Variants in WFDC11 observed in about 807,000 individuals in gnomAD.
WFDC11 encodes the protein protein WFDC11.
Under a neutral mutation model 9.9 loss-of-function variants are expected in WFDC11, and 9 were observed. The observed-to-expected ratio is 0.91, with a 90% confidence interval of 0.55 to 1.58. The LOEUF (loss-of-function observed/expected upper bound fraction) is 1.58, where lower values mean the gene tolerates loss of function less well. Among genes scored for constraint, WFDC11 ranks in the 40% most tolerant of loss-of-function variants. The probability of loss-of-function intolerance (pLI) is 0.00; values close to 1 mark genes in which losing one functional copy is unlikely to be tolerated. For synonymous variants in WFDC11, 32 were observed against 33.3 expected (o/e 0.96, Z 0.13); for missense variants, 106 against 101.7 (o/e 1.04, Z -0.18).
At chr20:45,657,030 C>A (rs1982949506) in intron 2 of WFDC11, among the ~76,000 whole-genome samples, 1 of 152,168 alleles carries the variant, frequency 6.6e-6, no homozygotes, top group African/African-American at 2.4e-5. Context: ...TGTGGAGATT[C>A]CTCAAGGATC....
intron 1 of WFDC11, among the ~76,000 whole-genome samples, chr20:45,669,324 T>C (rs6032419): frequency 1.3e-4 from 20 of 152,034 alleles, no homozygotes; most frequent in Non-Finnish European, 2.1e-4. Flanking sequence ...GCATACCTCA[T>C]AGATATTACA....
intron 4 of WFDC11, 97 bp downstream of exon 4, chr20:45,649,160 T>G: frequency 7.0e-7 from 1 of 1,430,510 alleles, no homozygotes; most frequent in Non-Finnish European, 9.5e-7. Flanking sequence ...TACCTAGAAT[T>G]TGGGGTACCT....
rs142900890 is a variant in WFDC11, at chr20:45,663,810, G to A, written c.-52+3278C>T. Among the ~76,000 whole-genome samples the A allele has an allele frequency of 1.2e-4, 18 of 152,294 alleles. 2 individuals carry two copies. In the East Asian group the frequency reaches 3.5e-3, roughly 29 times the overall value. Reference sequence around the variant, plus strand: ...TGAGAGACAGTTTGTTGTGATTTCTGTTCTTTTACATTTGCTGAGGAGTAC... The same window carrying A: ...TGAGAGACAGTTTGTTGTGATTTCTATTCTTTTACATTTGCTGAGGAGTAC... On this transcript the variant is annotated intron_variant, in intron 2 of 4. Transcript: ENST00000324384.
At chr20:45,657,970 A>T (rs1179511395) in intron 2 of WFDC11, among the ~76,000 whole-genome samples, 1 of 152,214 alleles carries the variant, frequency 6.6e-6, no homozygotes, top group African/African-American at 2.4e-5. Context: ...ATATGTGCAT[A>T]GATATAAATA....
chr20:45,658,756 TA>T (rs910584096), intron 2 of WFDC11, among the ~76,000 whole-genome samples: 39 of 152,306 alleles, frequency 2.6e-4, no homozygotes, highest in African/African-American at 8.9e-4. Flanking sequence ...AGTTCTGGAG[TA>T]CATGTGCAGA....
intron 3 of WFDC11, 140 bp downstream of exon 3, chr20:45,650,361 A>G (rs1982778970): frequency 3.1e-6 from 2 of 647,044 alleles, no homozygotes; most frequent in African/African-American, 1.8e-5. Flanking sequence ...ATCTCTGTGC[A>G]TACAAAATTG....
At chr20:45,665,833 C>T (rs774548469) in intron 2 of WFDC11, among the ~76,000 whole-genome samples, 6 of 152,136 alleles carry the variant, frequency 3.9e-5, no homozygotes, top group South Asian at 4.1e-4. Flanking sequence ...AGGTGTCTGT[C>T]GGCCCCTACT....
At chr20:45,650,226 A>G (rs1302150000) in intron 3 of WFDC11, among the ~76,000 whole-genome samples, 1 of 133,016 alleles carries the variant, frequency 7.5e-6, no homozygotes, top group South Asian at 2.3e-4. Flanking sequence ...ACACACACAC[A>G]CACATGTGTT....
intron 2 of WFDC11, among the ~76,000 whole-genome samples, chr20:45,662,536 G>T (rs572616198): frequency 2.1e-4 from 32 of 152,178 alleles, no homozygotes; most frequent in Admixed American, 3.3e-4. Flanking sequence ...GCCCATTCAG[G>T]ATGATATTGG....
intron 2 of WFDC11, among the ~76,000 whole-genome samples, chr20:45,655,610 T>G (rs951646759): frequency 6.6e-6 from 1 of 152,166 alleles, no homozygotes; most frequent in Non-Finnish European, 1.5e-5. Flanking sequence ...AGGAAATAAA[T>G]GGTATTCAGT....
At chr20:45,669,135 A>C (rs1423110732) in intron 1 of WFDC11, among the ~76,000 whole-genome samples, 3 of 152,132 alleles carry the variant, frequency 2.0e-5, no homozygotes, top group Non-Finnish European at 2.9e-5. Flanking sequence ...TAGTGTCACA[A>C]TCACAGGCCT....
chr20:45,652,252 A>G (rs1342915036), intron 2 of WFDC11, among the ~76,000 whole-genome samples: 1 of 152,214 alleles, frequency 6.6e-6, no homozygotes, highest in African/African-American at 2.4e-5. Context: ...AGGAACGATC[A>G]GGCAGCAACA....
intron 2 of WFDC11, among the ~76,000 whole-genome samples, chr20:45,650,976 T>C (rs926356461): frequency 2.0e-5 from 3 of 152,220 alleles, no homozygotes; most frequent in African/African-American, 7.2e-5. Context: ...GGAAAACTTG[T>C]ATCATGAGAG....
At chr20:45,660,751 A>G (rs58219730) in intron 2 of WFDC11, among the ~76,000 whole-genome samples, 2,414 of 152,186 alleles carry the variant, frequency 0.016, 56 homozygotes, top group African/African-American at 0.055. Context: ...TGAACTCACC[A>G]TTTTTTATGG....
chr20:45,653,225 A>C (rs1982850253), intron 2 of WFDC11, among the ~76,000 whole-genome samples: 1 of 152,206 alleles, frequency 6.6e-6, no homozygotes, highest in African/African-American at 2.4e-5. Flanking sequence ...CTAACAGTGG[A>C]TCTCTCGGCA....
intron 2 of WFDC11, among the ~76,000 whole-genome samples, chr20:45,666,007 T>A (rs1983180443): frequency 6.6e-6 from 1 of 152,200 alleles, no homozygotes; most frequent in South Asian, 2.1e-4. Context: ...TGCCTTTTGT[T>A]TAGATATGCC....
At position 45,649,343 on chromosome 20, in the gene WFDC11, T is replaced by A. The variant is rs761222281; in HGVS notation, c.157A>T (p.Asn53Tyr). ...WGKPNVKECT[N>Y]KCSKAFRCKD... Reference sequence around the variant, plus strand: ...CATCTAAAGGCTTTAGAACACTTATTGGTACATTCTTTGACATTTGGCTTT... The same window carrying A: ...CATCTAAAGGCTTTAGAACACTTATAGGTACATTCTTTGACATTTGGCTTT... The change falls in exon 4 of 5, where the codon AAT becomes TAT. Residue 53 changes from asparagine to tyrosine, a missense_variant. Transcript: ENST00000324384. 9 of 1,614,092 alleles carry A rather than the reference T, an allele frequency of 5.6e-6. No individual in the cohort carries two copies. Among genetic ancestry groups the A allele is most frequent in the Non-Finnish European group, 6.8e-6 (8 of 1,180,040 alleles).
At chr20:45,664,720 T>C (rs1179691105) in intron 2 of WFDC11, among the ~76,000 whole-genome samples, 3 of 152,238 alleles carry the variant, frequency 2.0e-5, no homozygotes, top group Non-Finnish European at 4.4e-5. Flanking sequence ...AAAATTCTTT[T>C]CTTTAAGAAT....
At chr20:45,669,157 G>A (rs6094192) in intron 1 of WFDC11, among the ~76,000 whole-genome samples, 26,634 of 151,918 alleles carry the variant, frequency 0.18, 2,520 homozygotes, top group East Asian at 0.32. Flanking sequence ...ACACTCATCC[G>A]ATGTAAACTT....
Sources: gnomAD v4.1 joint callset for allele counts (sites outside exome capture counted in the v4.1 genomes callset) on GRCh38, gnomAD v4.1.1 for gene constraint, MANE v1.5 for transcripts, NCBI Gene and HGNC (gene_info 2026-07-23, HGNC 2026-07-21) for gene names.